P2RY10: variants seen among roughly 807,000 people sequenced by gnomAD.
The protein encoded by P2RY10 is P2Y receptor family member 10.
In P2RY10, 4 loss-of-function variants were observed where a neutral mutation model predicts 12.1. The ratio of observed to expected loss-of-function variants is 0.33; its 90% confidence interval spans 0.16 to 0.76. The LOEUF (loss-of-function observed/expected upper bound fraction) is 0.76, where lower values mean the gene tolerates loss of function less well. Ranked by LOEUF, P2RY10 falls within the 30% of genes least tolerant of loss-of-function variation. The pLI, the probability that P2RY10 is intolerant of heterozygous loss-of-function variation, is 0.61. For synonymous variants in P2RY10, 112 were observed against 94.1 expected (o/e 1.19, Z -1.10); for missense variants, 233 against 264.6 (o/e 0.88, Z 0.83).
At position 78,961,685 on chromosome X, in the gene P2RY10, G is replaced by A. The variant is rs189759549; in HGVS notation, c.*145G>A. The A allele has an allele frequency of 2.4e-6, 1 of 425,270 alleles. No individual in the cohort carries two copies. Among genetic ancestry groups the A allele is most frequent in the African/African-American group, 2.5e-5 (1 of 39,927 alleles). The allele number at this position is 425,270 out of a possible 1,213,427, so 35.0% of individuals were successfully genotyped here. ...TTGTGTAATATTCACAGTCAACAGG[G>A]GTGTGATGGTGAAGGCAGAGTGTGA... On this transcript the variant is annotated 3_prime_UTR_variant, in exon 4 of 4. Coordinates refer to ENST00000171757, the MANE Select transcript of P2RY10 (RefSeq NM_014499.4).
chrX:78,955,217 T>C, intron 3 of P2RY10, among the ~76,000 whole-genome samples: 1 of 111,924 alleles, frequency 8.9e-6, no homozygotes. Context: ...ACTTCAATTG[T>C]TGCTATTCAC....
In P2RY10 at chrX:78,961,767, C is replaced by G. The variant is rs780119135; in HGVS notation, c.*227C>G. ...ACCTGATTCCTCTTTAAAATTCAAG[C>G]CACTTTCTTATTTAAGAAACCTAGA... On this transcript the variant is annotated 3_prime_UTR_variant, in exon 4 of 4. Coordinates refer to ENST00000171757, the MANE Select transcript of P2RY10 (RefSeq NM_014499.4). 4.9e-4 allele frequency: 152 copies of G among 307,621 alleles called. No individual in the cohort carries two copies. Among genetic ancestry groups the G allele is most frequent in the Non-Finnish European group, 6.0e-4 (102 of 171,317 alleles). 25.4% of individuals were successfully genotyped at this position (307,621 alleles called of 1,213,427 possible). A position where few individuals can be genotyped will look rare whatever the true frequency, so the allele number is the denominator to read the frequency against.
intron 2 of P2RY10, among the ~76,000 whole-genome samples, chrX:78,949,970 G>T (rs908519215): frequency 8.9e-6 from 1 of 111,949 alleles, no homozygotes; most frequent in African/African-American, 3.3e-5. Flanking sequence ...GGCAAAGCAA[G>T]TTAAGTTCCC....
intron 3 of P2RY10, among the ~76,000 whole-genome samples, chrX:78,952,937 G>A (rs1048325100): frequency 1.8e-5 from 2 of 111,693 alleles, no homozygotes; most frequent in Non-Finnish European, 3.8e-5. Context: ...GAATAGAAAA[G>A]GGGCTGATTA....
chrX:78,952,547 G>T (rs1922152158), intron 3 of P2RY10, among the ~76,000 whole-genome samples: 1 of 111,637 alleles, frequency 9.0e-6, no homozygotes, highest in African/African-American at 3.3e-5. Context: ...GGGCAGGAAG[G>T]CAACAAAGAG....
chrX:78,952,258 T>A lies in P2RY10; in HGVS notation c.-91T>A. ...CTCACCAACATACCCTTCTTTCAAG[T>A]GAAAAGGCATCTCTTTTAATGGTCC... On this transcript the variant is annotated 5_prime_UTR_variant, in exon 3 of 4. The change abolishes the stop of an existing upstream ORF in the 5' untranslated region. Coordinates refer to ENST00000171757, the MANE Select transcript of P2RY10 (RefSeq NM_014499.4). The A allele has an allele frequency of 5.4e-6, 4 of 745,788 alleles. No homozygotes were observed. Among genetic ancestry groups the A allele is most frequent in the Non-Finnish European group, 6.3e-6 (4 of 631,701 alleles). The allele number at this position is 745,788 out of a possible 1,213,427, so 61.5% of individuals were successfully genotyped here. A position where few individuals can be genotyped will look rare whatever the true frequency, so the allele number is the denominator to read the frequency against.
At chrX:78,955,429 A>G (rs1034108247) in intron 3 of P2RY10, among the ~76,000 whole-genome samples, 1 of 112,602 alleles carries the variant, frequency 8.9e-6, no homozygotes, top group African/African-American at 3.2e-5. Flanking sequence ...CTTATATACC[A>G]TCTTGAAATT....
At chrX:78,955,427 C>G (rs375510117) in intron 3 of P2RY10, among the ~76,000 whole-genome samples, 2 of 112,244 alleles carry the variant, frequency 1.8e-5, no homozygotes, top group Non-Finnish European at 3.8e-5. Context: ...AGCTTATATA[C>G]CATCTTGAAA....
intron 3 of P2RY10, among the ~76,000 whole-genome samples, chrX:78,958,774 C>T: frequency 8.9e-6 from 1 of 111,936 alleles, no homozygotes; most frequent in Non-Finnish European, 1.9e-5. Context: ...AGCAAGATGA[C>T]TGCATGACTG....
chrX:78,947,782 A>G, intron 1 of P2RY10, 33 bp from the exon 2 acceptor site: 4 of 475,723 alleles, frequency 8.4e-6, no homozygotes, highest in Non-Finnish European at 1.0e-5. Flanking sequence ...AGAACTGAGT[A>G]TCCTTTCCCA....
intron 2 of P2RY10, among the ~76,000 whole-genome samples, chrX:78,949,203 A>G (rs1304596363): frequency 9.0e-6 from 1 of 111,287 alleles, no homozygotes; most frequent in East Asian, 2.8e-4. Flanking sequence ...AGGAATCTCT[A>G]TTTATGTCCT....
At chrX:78,952,488 T>C (rs1349917757) in intron 3 of P2RY10, among the ~76,000 whole-genome samples, 153 bp downstream of exon 3, 1 of 111,123 alleles carries the variant, frequency 9.0e-6, no homozygotes, top group Non-Finnish European at 1.9e-5. Context: ...AAAGAATGGA[T>C]ATAAAGTGAG....
chrX:78,956,300 G>A (rs1023735563), intron 3 of P2RY10, among the ~76,000 whole-genome samples: 1 of 111,377 alleles, frequency 9.0e-6, no homozygotes, highest in South Asian at 3.8e-4. Context: ...TAGGTGCAGG[G>A]AATATTGATA....
intron 3 of P2RY10, among the ~76,000 whole-genome samples, chrX:78,955,905 G>A (rs1922314057): frequency 9.0e-6 from 1 of 111,128 alleles, no homozygotes. Context: ...ATTGAGTGTG[G>A]GCTTTAAAGC....
chrX:78,946,595 A>G lies in P2RY10; in HGVS notation c.-206+1100A>G, dbSNP rs187876129. ...GTTCAAATGGATGTGTGGAGTCATT[A>G]TGATGTATATTAATTGGAGAATCTA... On this transcript the variant is annotated intron_variant, in intron 1 of 3. Transcript: ENST00000171757. Among the ~76,000 whole-genome samples, 38 of 112,285 alleles carry G rather than the reference A, an allele frequency of 3.4e-4. No individual in the cohort carries two copies. The East Asian group carries it at 4.5e-3, about 13-fold the overall frequency.
rs2858564 is a variant in P2RY10, at chrX:78,955,845, A to G, written c.-14+3510A>G. ...CGTTGTGGATGATTCTATATTCTCC[A>G]TAGAACCTAGCAAATAGCTCATAGG... On this transcript the variant is annotated intron_variant, in intron 3 of 3. Transcript: ENST00000171757. 4.4e-3 allele frequency among the ~76,000 whole-genome samples: 493 copies of G among 112,288 alleles called. 12 individuals carry two copies. The highest frequency in any genetic ancestry group is 0.042 in the Admixed American group (445 of 10,603).
intron 2 of P2RY10, among the ~76,000 whole-genome samples, chrX:78,951,710 G>A (rs949335313): frequency 8.9e-6 from 1 of 111,771 alleles, no homozygotes; most frequent in Non-Finnish European, 1.9e-5. Context: ...TTTATTATCA[G>A]GAACATCTTT....
rs1443361854 is a variant in P2RY10 at position 78,963,150 on chromosome X, A to T, written c.*1610A>T. ...ACTCTTTATCTTTTATGTCTGCAGT[A>T]TAAATAGCATAGACATTTGGTGTGA... On this transcript the variant is annotated 3_prime_UTR_variant, in exon 4 of 4. Coordinates refer to ENST00000171757, the MANE Select transcript of P2RY10 (RefSeq NM_014499.4). Among the ~76,000 whole-genome samples the T allele has an allele frequency of 8.9e-6, 1 of 111,946 alleles. No homozygotes were observed. Among genetic ancestry groups the T allele is most frequent in the Non-Finnish European group, 1.9e-5 (1 of 53,206 alleles).
intron 2 of P2RY10, among the ~76,000 whole-genome samples, chrX:78,948,069 A>G (rs1314168298): frequency 1.8e-5 from 2 of 111,955 alleles, no homozygotes; most frequent in African/African-American, 6.5e-5. Flanking sequence ...CTTGTAGAAA[A>G]ATCTGCTCCA....
Sources: gnomAD v4.1 joint callset for allele counts (sites outside exome capture counted in the v4.1 genomes callset) on GRCh38, gnomAD v4.1.1 for gene constraint, MANE v1.5 for transcripts, NCBI Gene and HGNC (gene_info 2026-07-23, HGNC 2026-07-21) for gene names.